The following C16orf74 variants were observed in gnomAD, a reference collection of about 807,000 sequenced individuals.
The protein encoded by C16orf74 is calcimembrin, also known as uncharacterized protein C16orf74.
C16orf74 carries 10 observed loss-of-function variants against 6.5 expected under a neutral mutation model. The ratio of observed to expected loss-of-function variants is 1.54; its 90% CI spans 0.95 to 2.61. The LOEUF is 2.61. C16orf74 is among the 30% of genes most tolerant of loss of function. The pLI is 0.00. For missense variants in C16orf74, 141 were observed against 105.9 expected (o/e 1.33, Z -1.45); for synonymous variants, 60 against 42.5 (o/e 1.41, Z -1.60).
At chr16:85,738,204 C>T (rs388140) in intron 1 of C16orf74, among the ~76,000 whole-genome samples, 60,414 of 151,636 alleles carry the variant, frequency 0.4, 12,418 homozygotes, top group Middle Eastern at 0.5. Flanking sequence ...TTGATCGTGC[C>T]ACTTCACGCC....
At chr16:85,739,414 G>A (rs751831156) in intron 1 of C16orf74, among the ~76,000 whole-genome samples, 1 of 152,212 alleles carries the variant, frequency 6.6e-6, no homozygotes, top group Non-Finnish European at 1.5e-5. Context: ...CCAGTGATCT[G>A]TACAGAAGTT....
intron 2 of C16orf74, among the ~76,000 whole-genome samples, chr16:85,730,300 G>C (rs2054174591): frequency 1.3e-5 from 2 of 152,166 alleles, no homozygotes; most frequent in Non-Finnish European, 2.9e-5. Flanking sequence ...AGGAGCCCAT[G>C]TCTCATTTCT....
intron 1 of C16orf74, among the ~76,000 whole-genome samples, chr16:85,749,771 G>T (rs1245500675): frequency 6.6e-6 from 1 of 152,230 alleles, no homozygotes. Flanking sequence ...CTGCACCTTG[G>T]GCTGGGAAAA....
chr16:85,722,260 TAGTC>T (rs1456319115), intron 2 of C16orf74, among the ~76,000 whole-genome samples: 4 of 152,272 alleles, frequency 2.6e-5, no homozygotes, highest in East Asian at 1.9e-4. Flanking sequence ...GGCAGGCACT[TAGTC>T]AGGCCATATA....
rs2054090891 is a variant in C16orf74 at position 85,722,287 on chromosome 16, A to G, written c.29-11980T>C. Among the ~76,000 whole-genome samples, 2 of 152,174 alleles carry G rather than the reference A, an allele frequency of 1.3e-5. 1 individual carries two copies. Among genetic ancestry groups the G allele is most frequent in the South Asian group, 4.1e-4 (2 of 4,834 alleles). ...GTCAGGCCATATAATTAGCACCATT[A>G]TTACTGCTTTGGAAGGAGTAGTATA... On this transcript the variant is annotated intron_variant, in intron 2 of 3. Transcript: ENST00000284245.
In C16orf74 at chr16:85,719,419, G is replaced by C. The variant is rs376668634; in HGVS notation, c.29-9112C>G. ...CACTGGGAGGGGCCCACGATGCTGA[G>C]CTTTGAGAACAGTGCTTGTGGGAGG... On this transcript the variant is annotated intron_variant, in intron 2 of 3. Coordinates refer to ENST00000284245, the MANE Select transcript of C16orf74 (RefSeq NM_206967.3). Among the ~76,000 whole-genome samples the C allele has an allele frequency of 5.3e-5, 8 of 152,118 alleles. 1 individual carries two copies. The highest frequency in any genetic ancestry group is 1.9e-4 in the African/African-American group (8 of 41,428).
At chr16:85,734,025 C>G (rs1232057432) in intron 2 of C16orf74, among the ~76,000 whole-genome samples, 1 of 152,208 alleles carries the variant, frequency 6.6e-6, no homozygotes, top group East Asian at 1.9e-4. Context: ...TTCATCCCGG[C>G]TCCCAGCAGG....
At chr16:85,712,460 G>A (rs1374165987) in intron 2 of C16orf74, among the ~76,000 whole-genome samples, 1 of 152,226 alleles carries the variant, frequency 6.6e-6, no homozygotes, top group Non-Finnish European at 1.5e-5. Flanking sequence ...CCCGGCTGTG[G>A]GGAAATCACA....
chr16:85,745,191 C>T (rs971685090), intron 1 of C16orf74, among the ~76,000 whole-genome samples: 9 of 146,176 alleles, frequency 6.2e-5, no homozygotes, highest in African/African-American at 1.0e-4. Context: ...CAAATGGTCA[C>T]GGATTCTCTC....
chr16:85,723,933 C>G (rs1198372708), intron 2 of C16orf74, among the ~76,000 whole-genome samples: 1 of 152,226 alleles, frequency 6.6e-6, no homozygotes, highest in Admixed American at 6.5e-5. Flanking sequence ...GATAACTAGG[C>G]TGGTCTGCTC....
chr16:85,723,801 T>A (rs1044514019), intron 2 of C16orf74, among the ~76,000 whole-genome samples: 3 of 152,202 alleles, frequency 2.0e-5, no homozygotes, highest in Admixed American at 1.3e-4. Context: ...ACAGGAGCCA[T>A]CCCTGGTGTG....
chr16:85,738,099 G>A (rs2054264145), intron 1 of C16orf74, among the ~76,000 whole-genome samples: 1 of 151,586 alleles, frequency 6.6e-6, no homozygotes, highest in African/African-American at 2.4e-5. Context: ...TAAAAAATTA[G>A]TCAAGTGTGG....
At chr16:85,716,395 GAA>G in intron 2 of C16orf74, among the ~76,000 whole-genome samples, 1 of 144,974 alleles carries the variant, frequency 6.9e-6, no homozygotes, top group African/African-American at 2.6e-5. Flanking sequence ...AGAGGAGGGA[GAA>G]GAGGAAGGGA....
intron 2 of C16orf74, among the ~76,000 whole-genome samples, chr16:85,712,149 C>T (rs2053976846): frequency 6.6e-6 from 1 of 152,242 alleles, no homozygotes; most frequent in Admixed American, 6.5e-5. Flanking sequence ...AGGCCTCTAG[C>T]CAACAGCCAC....
chr16:85,729,839 C>G (rs1364867523), intron 2 of C16orf74, among the ~76,000 whole-genome samples: 1 of 152,162 alleles, frequency 6.6e-6, no homozygotes, highest in African/African-American at 2.4e-5. Context: ...AAGGTTCCTC[C>G]TTTGGCGCTG....
chr16:85,734,597 G>A (rs2054224307), intron 2 of C16orf74, among the ~76,000 whole-genome samples: 1 of 152,206 alleles, frequency 6.6e-6, no homozygotes, highest in South Asian at 2.1e-4. Flanking sequence ...TGGCTGGGGA[G>A]AACAAAGCAA....
intron 2 of C16orf74, among the ~76,000 whole-genome samples, chr16:85,714,192 G>T (rs563376301): frequency 6.6e-6 from 1 of 151,934 alleles, no homozygotes; most frequent in African/African-American, 2.4e-5. Flanking sequence ...AGACGGCCAC[G>T]GTCCCTGGGA....
chr16:85,714,208 G>C (rs892167833), intron 2 of C16orf74, among the ~76,000 whole-genome samples: 3 of 151,938 alleles, frequency 2.0e-5, no homozygotes, highest in Non-Finnish European at 4.4e-5. Context: ...TGGGACACAC[G>C]GCTGGTGTGA....
chr16:85,737,820 A>C (rs2054260865), intron 1 of C16orf74, among the ~76,000 whole-genome samples: 1 of 152,158 alleles, frequency 6.6e-6, no homozygotes, highest in African/African-American at 2.4e-5. Flanking sequence ...AATAAGAGCG[A>C]AACTCCATCT....
Sources: gnomAD v4.1 joint callset for allele counts (sites outside exome capture counted in the v4.1 genomes callset) on GRCh38, gnomAD v4.1.1 for gene constraint, MANE v1.5 for transcripts, NCBI Gene and HGNC (gene_info 2026-07-23, HGNC 2026-07-21) for gene names.